The following RIPOR2 variants were observed in gnomAD, a reference collection of about 807,000 sequenced individuals.
RIPOR2 encodes the protein rho family-interacting cell polarization regulator 2.
A neutral mutation model predicts 114.5 loss-of-function variants in RIPOR2; 39 were observed. The ratio of observed to expected loss-of-function variants is 0.34; its 90% confidence interval spans 0.26 to 0.44. The LOEUF (loss-of-function observed/expected upper bound fraction) is 0.44, where lower values mean the gene tolerates loss of function less well. Among genes scored for constraint, RIPOR2 ranks in the 20% least tolerant of loss-of-function variants. The pLI is 1.00. For synonymous variants in RIPOR2, 445 were observed against 484.4 expected (o/e 0.92, Z 1.07); for missense variants, 1,007 against 1,255.1 (o/e 0.80, Z 2.99).
intron 1 of RIPOR2, among the ~76,000 whole-genome samples, chr6:24,988,606 AAAG>A (rs1161119412): frequency 3.3e-5 from 5 of 152,254 alleles, no homozygotes; most frequent in African/African-American, 1.2e-4. Flanking sequence ...AAGAAAACTC[AAAG>A]AATAATGATT....
At chr6:24,934,539 T>G (rs1035375138) in intron 1 of RIPOR2, among the ~76,000 whole-genome samples, 1 of 152,246 alleles carries the variant, frequency 6.6e-6, no homozygotes, top group African/African-American at 2.4e-5. Context: ...AGGGGTTCTT[T>G]GCGACACTCT....
At chr6:24,899,697 A>G (rs568084399) in intron 1 of RIPOR2, among the ~76,000 whole-genome samples, 23 of 152,346 alleles carry the variant, frequency 1.5e-4, no homozygotes, top group African/African-American at 4.6e-4. Flanking sequence ...GATACTTTAC[A>G]TGTGGGCACG....
At chr6:24,973,559 T>C (rs1773891975) in intron 1 of RIPOR2, among the ~76,000 whole-genome samples, 1 of 149,212 alleles carries the variant, frequency 6.7e-6, no homozygotes, top group African/African-American at 2.5e-5. Flanking sequence ...ATCACACCAC[T>C]GCACTCTAGC....
At chr6:24,863,233 A>G (rs921599533) in intron 7 of RIPOR2, among the ~76,000 whole-genome samples, 1 of 152,176 alleles carries the variant, frequency 6.6e-6, no homozygotes, top group African/African-American at 2.4e-5. Context: ...GATTACAGGT[A>G]TAAGCCGCTG....
chr6:24,976,478 C>G (rs1398676131), intron 1 of RIPOR2: 4 of 1,571,534 alleles, frequency 2.5e-6, no homozygotes, highest in Non-Finnish European at 3.5e-6. Context: ...TGGGCCGCAT[C>G]TCCTTTGAGG....
intron 1 of RIPOR2, among the ~76,000 whole-genome samples, chr6:24,972,279 A>G (rs1450627869): frequency 1.3e-5 from 2 of 152,264 alleles, no homozygotes; most frequent in Non-Finnish European, 2.9e-5. Flanking sequence ...AACTCAATGT[A>G]AAAGTCAACC....
chr6:24,934,392 T>C (rs1258181210), intron 1 of RIPOR2, among the ~76,000 whole-genome samples: 1 of 152,218 alleles, frequency 6.6e-6, no homozygotes, highest in Admixed American at 6.5e-5. Context: ...CGAAGCTCAA[T>C]AGATATTCTT....
At chr6:24,963,103 T>C (rs1763415511) in intron 1 of RIPOR2, among the ~76,000 whole-genome samples, 1 of 152,186 alleles carries the variant, frequency 6.6e-6, no homozygotes. Context: ...AATGGCGCAA[T>C]CTTGGCTCAC....
At chr6:25,018,165 C>T (rs1418251211) in intron 1 of RIPOR2, among the ~76,000 whole-genome samples, 1 of 152,176 alleles carries the variant, frequency 6.6e-6, no homozygotes, top group African/African-American at 2.4e-5. Flanking sequence ...TGTAGAGCGG[C>T]GCCACCTGAT....
intron 1 of RIPOR2, among the ~76,000 whole-genome samples, chr6:24,892,318 GAT>G (rs1252940688): frequency 6.6e-6 from 1 of 152,074 alleles, no homozygotes; most frequent in Non-Finnish European, 1.5e-5. Context: ...GCCCAGGCTG[GAT>G]AGTATAATGG....
chr6:24,861,418 G>C (rs1386001152), intron 7 of RIPOR2, among the ~76,000 whole-genome samples: 1 of 152,132 alleles, frequency 6.6e-6, no homozygotes. Flanking sequence ...ATAATATCCT[G>C]ATTTGAAAGT....
chr6:24,849,383 G>A lies in RIPOR2; in HGVS notation c.1034+419C>T, dbSNP rs147453549. ...TTTCCAGAGCAGTGTGAAGTTATGC[G>A]ATAAAGAGGAATAAGCATCCGTGAG... On this transcript the variant is annotated intron_variant, in intron 11 of 21. Coordinates refer to ENST00000643898, the MANE Select transcript of RIPOR2 (RefSeq NM_001286445.3). Among the ~76,000 whole-genome samples, 426 of 152,298 alleles carry A rather than the reference G, an allele frequency of 2.8e-3. 1 individual carries two copies. Among genetic ancestry groups the A allele is most frequent in the African/African-American group, 9.5e-3 (396 of 41,566 alleles).
chr6:24,947,719 A>T (rs1561800016), intron 1 of RIPOR2, among the ~76,000 whole-genome samples: 1 of 151,892 alleles, frequency 6.6e-6, no homozygotes, highest in Non-Finnish European at 1.5e-5. Flanking sequence ...AGGAGAAGGA[A>T]AAAGTAGGGG....
intron 1 of RIPOR2, among the ~76,000 whole-genome samples, chr6:24,911,385 G>A (rs2114069152): frequency 6.6e-6 from 1 of 152,166 alleles, no homozygotes; most frequent in Admixed American, 6.5e-5. Context: ...GAGGAAAGGA[G>A]CCGAGGCAAG....
At chr6:24,822,786 T>C (rs952743223) in intron 19 of RIPOR2, among the ~76,000 whole-genome samples, 2 of 152,146 alleles carry the variant, frequency 1.3e-5, no homozygotes, top group African/African-American at 4.8e-5. Context: ...TCCCAAAGTG[T>C]TGGGATTACA....
intron 1 of RIPOR2, among the ~76,000 whole-genome samples, chr6:24,980,555 A>G (rs1774244317): frequency 6.6e-6 from 1 of 152,150 alleles, no homozygotes; most frequent in Non-Finnish European, 1.5e-5. Context: ...CCGTAGGTGC[A>G]ACTATGGTTT....
chr6:25,014,273 C>T (rs1775884001), intron 1 of RIPOR2, among the ~76,000 whole-genome samples: 2 of 152,162 alleles, frequency 1.3e-5, no homozygotes, highest in African/African-American at 2.4e-5. Flanking sequence ...GTTAATTTTC[C>T]TTTCAATGGG....
At chr6:25,026,378 A>G (rs1776624660) in intron 1 of RIPOR2, among the ~76,000 whole-genome samples, 1 of 152,226 alleles carries the variant, frequency 6.6e-6, no homozygotes. Flanking sequence ...TAAGTCACAT[A>G]GAGATGGTTT....
intron 6 of RIPOR2, among the ~76,000 whole-genome samples, chr6:24,868,250 C>T (rs1358677383): frequency 6.6e-6 from 1 of 152,110 alleles, no homozygotes; most frequent in Non-Finnish European, 1.5e-5. Context: ...CTCCCCAGCT[C>T]CACTTCACAG....
Sources: gnomAD v4.1 joint callset for allele counts (sites outside exome capture counted in the v4.1 genomes callset) on GRCh38, gnomAD v4.1.1 for gene constraint, MANE v1.5 for transcripts, NCBI Gene and HGNC (gene_info 2026-07-23, HGNC 2026-07-21) for gene names.